Variants in USH2A observed in about 807,000 individuals in gnomAD.
USH2A encodes Usher syndrome 2A (autosomal recessive, mild).
USH2A carries 443 observed loss-of-function variants against 538.9 expected under a neutral mutation model. The ratio of observed to expected loss-of-function variants is 0.82; its 90% CI spans 0.76 to 0.89. The LOEUF (loss-of-function observed/expected upper bound fraction) is 0.89. USH2A is among the 40% of genes least tolerant of loss of function. USH2A has a pLI of 0.00. For missense variants in USH2A, 6,633 were observed against 6,324.8 expected (o/e 1.05, Z -1.65); for synonymous variants, 2,413 against 2,273.5 (o/e 1.06, Z -1.75).
rs112630531 is a variant in USH2A, at chr1:216,048,860, A to G, written c.6050-213T>C. 6.3e-3 allele frequency among the ~76,000 whole-genome samples: 960 copies of G among 152,302 alleles called. 15 individuals are homozygous for G. Among genetic ancestry groups the G allele is most frequent in the African/African-American group, 0.022 (901 of 41,562 alleles). ...ACTCATGAGAAAAAATTGTGAGACC[A>G]ACTTATTGTTAAAACAGCTCTCAAA... On this transcript the variant is annotated intron_variant, in intron 30 of 71. Transcript: ENST00000307340.
chr1:216,247,107 A>G lies in USH2A; in HGVS notation c.2287T>C (p.Ser763Pro). 6.2e-7 allele frequency: 1 copy of G among 1,614,070 alleles called. No individual in the cohort carries two copies. The highest frequency in any genetic ancestry group is 8.5e-7 in the Non-Finnish European group (1 of 1,179,954). ...GSVNKFCNPH[S>P]GQCECKKEAK... is the part of the protein sequence containing the mutation. ...TCTTTTTTGCACTCACACTGCCCAGAGTGAGGATTGCAGAATTTGTTCACT... is the reference window on the plus strand; with the variant it reads ...TCTTTTTTGCACTCACACTGCCCAGGGTGAGGATTGCAGAATTTGTTCACT... Residue 763 changes from serine (S) to proline (P), a missense_variant, in exon 13 of 72, where the codon TCT becomes CCT. Physicochemically the swap from Ser to Pro is moderately conservative, Grantham distance 74. Transcript: ENST00000307340.
chr1:216,334,227 T>C (rs560411197), intron 4 of USH2A, among the ~76,000 whole-genome samples: 131 of 152,102 alleles, frequency 8.6e-4, no homozygotes, highest in African/African-American at 3.0e-3. Flanking sequence ...ACAAAAACTA[T>C]ATAGGTGCAA....
chr1:216,357,037 G>A (rs1250983428), intron 4 of USH2A, among the ~76,000 whole-genome samples: 1 of 151,974 alleles, frequency 6.6e-6, no homozygotes, highest in African/African-American at 2.4e-5. Flanking sequence ...TTCTGGACAT[G>A]GTATCGTGCT....
intron 37 of USH2A, among the ~76,000 whole-genome samples, chr1:215,963,969 A>G (rs1442391650): frequency 6.6e-6 from 1 of 152,188 alleles, no homozygotes; most frequent in East Asian, 1.9e-4. Context: ...TACATTTTCT[A>G]CAAGGGCTGT....
intron 21 of USH2A, among the ~76,000 whole-genome samples, chr1:216,106,838 T>C (rs943921487): frequency 1.3e-5 from 2 of 151,910 alleles, no homozygotes; most frequent in African/African-American, 4.8e-5. Flanking sequence ...AAAGTTCATG[T>C]TATACTTTAT....
intron 46 of USH2A, among the ~76,000 whole-genome samples, chr1:215,842,563 G>A (rs978116885): frequency 2.0e-5 from 3 of 152,048 alleles, no homozygotes; most frequent in Admixed American, 6.6e-5. Context: ...CAACCCAAAC[G>A]TCCATCAATT....
chr1:215,659,949 A>C (rs909191379), intron 64 of USH2A, among the ~76,000 whole-genome samples: 1 of 152,210 alleles, frequency 6.6e-6, no homozygotes, highest in African/African-American at 2.4e-5. Flanking sequence ...AAATAACAAC[A>C]TCTATCCCAC....
chr1:216,412,596 T>A (rs2039506007), intron 3 of USH2A, among the ~76,000 whole-genome samples: 1 of 152,114 alleles, frequency 6.6e-6, no homozygotes, highest in South Asian at 2.1e-4. Flanking sequence ...ATTATTTGTA[T>A]AAATCATGTA....
chr1:215,867,380 A>G (rs1218144684), intron 43 of USH2A, among the ~76,000 whole-genome samples: 1 of 152,238 alleles, frequency 6.6e-6, no homozygotes, highest in Non-Finnish European at 1.5e-5. Flanking sequence ...AGCATAAACC[A>G]AAACATCAGG....
At chr1:216,317,379 T>C (rs539013872) in intron 9 of USH2A, among the ~76,000 whole-genome samples, 3 of 152,018 alleles carry the variant, frequency 2.0e-5, no homozygotes, top group East Asian at 1.9e-4. Flanking sequence ...ACAACACACA[T>C]TGGGGCCTCT....
At chr1:216,059,307 C>A (rs2031092457) in intron 30 of USH2A, among the ~76,000 whole-genome samples, 1 of 152,148 alleles carries the variant, frequency 6.6e-6, no homozygotes, top group Non-Finnish European at 1.5e-5. Context: ...CTTGACAACT[C>A]TTTATATGGC....
At chr1:216,037,216 T>C (rs988276308) in intron 32 of USH2A, among the ~76,000 whole-genome samples, 8 of 152,132 alleles carry the variant, frequency 5.3e-5, no homozygotes, top group African/African-American at 1.9e-4. Flanking sequence ...AAAACTGTCA[T>C]ACAATTTCTC....
intron 32 of USH2A, among the ~76,000 whole-genome samples, chr1:216,025,607 A>T (rs1011729382): frequency 4.6e-5 from 7 of 152,086 alleles, no homozygotes; most frequent in Non-Finnish European, 8.8e-5. Flanking sequence ...GTTTTTTCAG[A>T]GGAAGTTTTC....
At position 216,037,807 on chromosome 1, in the gene USH2A, GT is replaced by G. The variant is rs34447404; in HGVS notation, c.6325+8623del. On this transcript the variant is annotated intron_variant, in intron 32 of 71. Coordinates refer to ENST00000307340, the MANE Select transcript of USH2A (RefSeq NM_206933.4). ...CAGGTATTAAGTCTAGTACCCATTA[GT>G]TTTTTTTTTTTCCTAATCCTCTCCC... Among the ~76,000 whole-genome samples the G allele has an allele frequency of 3.5e-3, 519 of 147,110 alleles. 2 individuals carry two copies. Among genetic ancestry groups the G allele is most frequent in the South Asian group, 6.3e-3 (29 of 4,632 alleles).
At chr1:216,277,160 CTT>C (rs1558358859) in intron 11 of USH2A, among the ~76,000 whole-genome samples, 1 of 152,066 alleles carries the variant, frequency 6.6e-6, no homozygotes, top group Non-Finnish European at 1.5e-5. Context: ...TTTGAAATTG[CTT>C]TCAAATCTAT....
chr1:216,167,423 A>C (rs1380071985), intron 21 of USH2A, among the ~76,000 whole-genome samples: 1 of 152,144 alleles, frequency 6.6e-6, no homozygotes, highest in Non-Finnish European at 1.5e-5. Flanking sequence ...GGGCTCAAGC[A>C]TGCGCACTAA....
intron 52 of USH2A, among the ~76,000 whole-genome samples, 200 bp downstream of exon 52, chr1:215,786,470 T>G (rs1437618924): frequency 6.6e-6 from 1 of 152,222 alleles, no homozygotes; most frequent in East Asian, 1.9e-4. Flanking sequence ...TAAATAGACT[T>G]TAACACATTT....
At chr1:215,940,484 A>G (rs146063989) in intron 37 of USH2A, among the ~76,000 whole-genome samples, 70 of 152,230 alleles carry the variant, frequency 4.6e-4, no homozygotes, top group African/African-American at 1.6e-3. Context: ...TTTCTTCCAG[A>G]TTCCATTTTT....
chr1:215,748,391 T>C (rs1263674731), intron 58 of USH2A, among the ~76,000 whole-genome samples: 1 of 152,160 alleles, frequency 6.6e-6, no homozygotes, highest in Non-Finnish European at 1.5e-5. Context: ...TAGTAGAAAA[T>C]GTTTTCCCAA....
Sources: gnomAD v4.1 joint callset for allele counts (sites outside exome capture counted in the v4.1 genomes callset) on GRCh38, gnomAD v4.1.1 for gene constraint, MANE v1.5 for transcripts, NCBI Gene and HGNC (gene_info 2026-07-23, HGNC 2026-07-21) for gene names.